ELL: variants seen among roughly 807,000 people sequenced by gnomAD.
ELL encodes elongation factor for RNA polymerase II.
ELL carries 18 observed loss-of-function variants against 64.0 expected under a neutral mutation model. The ratio of observed to expected loss-of-function variants is 0.28; its 90% CI spans 0.19 to 0.42. ELL has a LOEUF of 0.42. Among genes scored for constraint, ELL ranks in the 10% least tolerant of loss-of-function variants. The pLI, the probability that ELL is intolerant of heterozygous loss-of-function variation, is 1.00. For missense variants in ELL, 797 were observed against 870.4 expected, an observed-to-expected ratio of 0.92 and a Z score of 1.06; for synonymous variants, 399 against 376.2, an observed-to-expected ratio of 1.06 and a Z score of -0.70.
In ELL at chr19:18,446,385, A is replaced by T. The variant is rs199681857; in HGVS notation, c.1628T>A (p.Ile543Asn). 1 of 1,611,514 alleles carries T rather than the reference A, an allele frequency of 6.2e-7. No homozygotes were observed. Among genetic ancestry groups the T allele is most frequent in the Admixed American group, 1.7e-5 (1 of 59,790 alleles). ...GGTGAACCGCCGCGTGATGCGCTCA[A>T]TGCGGGCGTGCAGGTCGCGGTACTC... ...YSEYRDLHAR[I>N]ERITRRFTQL... The change falls in exon 10 of 12, where the codon ATT (isoleucine) becomes AAT (asparagine). Residue 543 changes from isoleucine (I) to asparagine (N), a missense_variant. Coordinates refer to ENST00000262809, the MANE Select transcript of ELL (RefSeq NM_006532.4).
Position 18,444,639 on chromosome 19 carries a change from G to T in ELL, c.*113C>A. ...GTCTGCAGGGGCTGCCCTGAAAGCCGGCGGTGCTGGCTCAGATGAGCATCT... is the reference window on the plus strand; with the variant it reads ...GTCTGCAGGGGCTGCCCTGAAAGCCTGCGGTGCTGGCTCAGATGAGCATCT... On this transcript the variant is annotated 3_prime_UTR_variant, in exon 12 of 12. Transcript: ENST00000262809. 8.3e-7 allele frequency: 1 copy of T among 1,199,590 alleles called. No individual in the cohort carries two copies. The highest frequency in any genetic ancestry group is 1.2e-6 in the Non-Finnish European group (1 of 866,210). The allele number at this position is 1,199,590 out of a possible 1,614,324, so 74.3% of individuals were successfully genotyped here.
At chr19:18,511,244 G>A (rs1301344907) in intron 1 of ELL, among the ~76,000 whole-genome samples, 1 of 150,148 alleles carries the variant, frequency 6.7e-6, no homozygotes, top group East Asian at 2.0e-4. Context: ...TCCAGCCTGG[G>A]TGACAGAGCG....
At chr19:18,447,137 G>A (rs993958211) in intron 8 of ELL, among the ~76,000 whole-genome samples, 35 of 152,234 alleles carry the variant, frequency 2.3e-4, no homozygotes, top group Non-Finnish European at 4.3e-4. Flanking sequence ...ACAGGTCAGG[G>A]AACTGCAGGG....
At chr19:18,518,643 T>C (rs1483724814) in intron 1 of ELL, among the ~76,000 whole-genome samples, 1 of 151,180 alleles carries the variant, frequency 6.6e-6, no homozygotes, top group Non-Finnish European at 1.5e-5. Context: ...ATACAAAAAT[T>C]AGCCAGGCAC....
At chr19:18,492,187 C>T (rs903055123) in intron 1 of ELL, among the ~76,000 whole-genome samples, 1 of 152,106 alleles carries the variant, frequency 6.6e-6, no homozygotes, top group Non-Finnish European at 1.5e-5. Context: ...CCTGTTCTGG[C>T]CACACCATGG....
At chr19:18,446,558 A>G (rs1056634252) in intron 9 of ELL, 78 bp from the exon 10 acceptor site, 1 of 1,553,624 alleles carries the variant, frequency 6.4e-7, no homozygotes, top group Admixed American at 1.9e-5. Flanking sequence ...TCCTGGCTCC[A>G]CCGGCGGCCT....
chr19:18,499,674 G>C (rs892022438), intron 1 of ELL, among the ~76,000 whole-genome samples: 1 of 152,086 alleles, frequency 6.6e-6, no homozygotes, highest in African/African-American at 2.4e-5. Flanking sequence ...CCTTTCAGGG[G>C]CCACAGTCAG....
intron 6 of ELL, among the ~76,000 whole-genome samples, chr19:18,456,096 A>C (rs973856227): frequency 2.0e-5 from 3 of 150,678 alleles, no homozygotes; most frequent in African/African-American, 7.4e-5. Flanking sequence ...AAACTCCATC[A>C]CAAAAAAAAA....
chr19:18,447,354 T>C (rs936857341), intron 8 of ELL, among the ~76,000 whole-genome samples: 2 of 152,218 alleles, frequency 1.3e-5, no homozygotes, highest in African/African-American at 4.8e-5. Context: ...TTCCACGCCC[T>C]TGGTCTGTGC....
intron 5 of ELL, among the ~76,000 whole-genome samples, chr19:18,459,462 G>A (rs1212292564): frequency 2.0e-5 from 3 of 152,140 alleles, no homozygotes; most frequent in Admixed American, 1.3e-4. Context: ...AGGCATAGCA[G>A]TCACTGTTTT....
rs184787797 is a variant in ELL, at chr19:18,485,847, G to A, written c.136-12965C>T. ...TAAAAATACAAAAAATTAGCCGGGCGTGGTAGCACACGCCTATAGTCCCAG... is the reference window on the plus strand; with the variant it reads ...TAAAAATACAAAAAATTAGCCGGGCATGGTAGCACACGCCTATAGTCCCAG... On this transcript the variant is annotated intron_variant, in intron 1 of 11. Transcript: ENST00000262809. 3.6e-3 allele frequency among the ~76,000 whole-genome samples: 550 copies of A among 152,196 alleles called. 5 individuals carry two copies. The highest frequency in any genetic ancestry group is 0.013 in the African/African-American group (524 of 41,510).
At chr19:18,505,352 G>A (rs1201287970) in intron 1 of ELL, among the ~76,000 whole-genome samples, 1 of 152,186 alleles carries the variant, frequency 6.6e-6, no homozygotes, top group African/African-American at 2.4e-5. Flanking sequence ...AGGATGCTGT[G>A]GCCAGTCACA....
chr19:18,464,640 C>T (rs7246788), intron 4 of ELL, among the ~76,000 whole-genome samples: 32,768 of 152,078 alleles, frequency 0.22, 3,630 homozygotes, highest in Admixed American at 0.25. Flanking sequence ...GAAATGCCCC[C>T]GCCTTTTCTT....
At position 18,446,778 on chromosome 19, in the gene ELL, G is replaced by C. The variant is rs1313567339; in HGVS notation, c.1502C>G (p.Thr501Arg). 2 of 1,613,938 alleles carry C rather than the reference G, an allele frequency of 1.2e-6. No individual in the cohort carries two copies. The highest frequency in any genetic ancestry group is 3.3e-5 in the Admixed American group (2 of 59,998). ...NGTCSVSSVP[T>R]STSETPDYLL... ...GTAGTCAGGCGTCTCCGACGTGGAC[G>C]TGGGAACACTGGAAACGCTGCAGGT... is the stretch of plus-strand genomic sequence containing the variant. Residue 501 changes from threonine to arginine, a missense_variant, in exon 9 of 12, where the codon ACG (threonine) becomes AGG (arginine). By Grantham distance (71) the Thr-to-Arg change is moderately conservative. Coordinates refer to ENST00000262809, the MANE Select transcript of ELL (RefSeq NM_006532.4).
chr19:18,445,117 C>T, intron 11 of ELL, 107 bp downstream of exon 11: 2 of 1,483,354 alleles, frequency 1.3e-6, no homozygotes, highest in Non-Finnish European at 9.4e-7. Flanking sequence ...AAAGGCTCTT[C>T]CCCCACACCT....
intron 1 of ELL, among the ~76,000 whole-genome samples, chr19:18,491,590 C>T (rs922670762): frequency 9.2e-5 from 14 of 152,092 alleles, no homozygotes; most frequent in Non-Finnish European, 1.3e-4. Context: ...CCTTGTCCCC[C>T]CAACCCCATA....
chr19:18,487,716 T>G (rs535067067), intron 1 of ELL, among the ~76,000 whole-genome samples: 7 of 152,336 alleles, frequency 4.6e-5, no homozygotes, highest in African/African-American at 1.7e-4. Context: ...CTGGAGAGAA[T>G]GAATCAGTCC....
intron 1 of ELL, among the ~76,000 whole-genome samples, chr19:18,498,796 A>G (rs1385009274): frequency 6.6e-6 from 1 of 152,042 alleles, no homozygotes; most frequent in African/African-American, 2.4e-5. Flanking sequence ...CTAAAAATAC[A>G]AAAATTAGCC....
At chr19:18,503,177 C>T (rs968057534) in intron 1 of ELL, among the ~76,000 whole-genome samples, 5 of 152,246 alleles carry the variant, frequency 3.3e-5, no homozygotes, top group African/African-American at 1.2e-4. Flanking sequence ...TCCCTGTAAG[C>T]ATCCGTGGTC....
Sources: allele counts gnomAD v4.1 joint callset (sites outside exome capture counted in the v4.1 genomes callset), GRCh38; gene constraint gnomAD v4.1.1; transcripts MANE v1.5; gene names NCBI Gene and HGNC (gene_info 2026-07-23, HGNC 2026-07-21).